The following FSD1L variants were observed in gnomAD, a reference collection of about 807,000 sequenced individuals.
FSD1L encodes fibronectin type III and SPRY domain containing 1 like.
In FSD1L, 45 loss-of-function variants were observed where a neutral mutation model predicts 71.6. The observed-to-expected ratio is 0.63, with a 90% CI of 0.49 to 0.81. The LOEUF is 0.81. Among genes scored for constraint, FSD1L ranks in the 30% least tolerant of loss-of-function variants. FSD1L has a pLI of 0.00. For missense variants in FSD1L, 561 were observed against 618.1 expected (o/e 0.91, Z 0.98); for synonymous variants, 197 against 207.2 (o/e 0.95, Z 0.42).
At chr9:105,465,211 A>G (rs1454909644) in intron 3 of FSD1L, among the ~76,000 whole-genome samples, 1 of 152,244 alleles carries the variant, frequency 6.6e-6, no homozygotes, top group Non-Finnish European at 1.5e-5. Flanking sequence ...TGAATCAGAA[A>G]GAAATAGAAA....
At chr9:105,491,269 T>C (rs1178381361) in intron 7 of FSD1L, among the ~76,000 whole-genome samples, 1 of 151,324 alleles carries the variant, frequency 6.6e-6, no homozygotes, top group Non-Finnish European at 1.5e-5. Context: ...TTTGAAGCAA[T>C]TGTGAATGGG....
intron 10 of FSD1L, among the ~76,000 whole-genome samples, chr9:105,514,612 T>C (rs752767799): frequency 2.0e-5 from 3 of 152,144 alleles, no homozygotes; most frequent in Non-Finnish European, 4.4e-5. Flanking sequence ...AGCTGCCAGA[T>C]GTTGAGGTGG....
At position 105,522,156 on chromosome 9, in the gene FSD1L, G is replaced by A. The variant is rs1349187914; in HGVS notation, c.1025+9220G>A. 18 of 1,613,840 alleles carry A rather than the reference G, an allele frequency of 1.1e-5. No homozygotes were observed. In the Admixed American group the frequency reaches 1.2e-4, roughly 10 times the overall value. On this transcript the variant is annotated intron_variant, in intron 10 of 13. Coordinates refer to ENST00000481272, the MANE Select transcript of FSD1L (RefSeq NM_001145313.3). ...TGCCTGGATCAAAGCAAACCTAAATGTGTACATCTCCCGAGAACTTTGGGA... is the reference window on the plus strand; with the variant it reads ...TGCCTGGATCAAAGCAAACCTAAATATGTACATCTCCCGAGAACTTTGGGA...
upstream of FSD1L, among the ~76,000 whole-genome samples, chr9:105,447,535 G>A (rs1019111656): frequency 6.6e-6 from 1 of 152,002 alleles, no homozygotes; most frequent in African/African-American, 2.4e-5. Flanking sequence ...GGGAAAAACT[G>A]TGCCAGGCCC....
At chr9:105,446,691 A>G (rs952682574), upstream of FSD1L, among the ~76,000 whole-genome samples, 18 of 150,112 alleles carry the variant, frequency 1.2e-4, no homozygotes, top group African/African-American at 2.5e-5. Flanking sequence ...TTTAGCACCT[A>G]TAACCGTCTA....
chr9:105,541,829 T>A (rs1262273104), intron 13 of FSD1L, among the ~76,000 whole-genome samples: 1 of 152,180 alleles, frequency 6.6e-6, no homozygotes, highest in East Asian at 1.9e-4. Context: ...CAGTAACCAG[T>A]TCGTAGGCCC....
At chr9:105,499,489 A>G (rs1833635857) in intron 7 of FSD1L, among the ~76,000 whole-genome samples, 1 of 151,116 alleles carries the variant, frequency 6.6e-6, no homozygotes, top group Non-Finnish European at 1.5e-5. Flanking sequence ...TGTCTGAGAG[A>G]GTTTTTATTT....
rs1829729852 is a variant in FSD1L, at chr9:105,448,082, G to A, written c.-139G>A. ...TGACTACGGCGCGCGCGGTCTGGGC[G>A]CGGACGGGTGGGGCCGGGCGGTGCC... On this transcript the variant is annotated 5_prime_UTR_variant, in exon 1 of 14. Coordinates refer to ENST00000481272, the MANE Select transcript of FSD1L (RefSeq NM_001145313.3). 7 of 970,862 alleles carry A rather than the reference G, an allele frequency of 7.2e-6. No homozygotes were observed. Among genetic ancestry groups the A allele is most frequent in the South Asian group, 1.4e-5 (1 of 70,836 alleles). 60.1% of individuals were successfully genotyped at this position (970,862 alleles called of 1,614,324 possible). A position where few individuals can be genotyped will look rare whatever the true frequency, so the allele number is the denominator to read the frequency against.
chr9:105,443,872 T>C (rs771530453), upstream of FSD1L, among the ~76,000 whole-genome samples: 19 of 152,182 alleles, frequency 1.2e-4, no homozygotes, highest in Non-Finnish European at 2.6e-4. Context: ...TAATATGAAT[T>C]ATATGATTTA....
chr9:105,455,801 AG>A (rs1405548863), intron 1 of FSD1L, among the ~76,000 whole-genome samples: 1 of 152,256 alleles, frequency 6.6e-6, no homozygotes, highest in Admixed American at 6.5e-5. Flanking sequence ...TTAGCAGCAC[AG>A]TGCCTGGCAC....
chr9:105,482,812 A>G (rs1477372434), intron 6 of FSD1L, among the ~76,000 whole-genome samples: 1 of 152,176 alleles, frequency 6.6e-6, no homozygotes, highest in African/African-American at 2.4e-5. Flanking sequence ...ATTGAATCAA[A>G]TCTTACAGGT....
At chr9:105,482,218 A>G (rs1243193701) in intron 6 of FSD1L, among the ~76,000 whole-genome samples, 1 of 152,334 alleles carries the variant, frequency 6.6e-6, no homozygotes, top group Admixed American at 6.5e-5. Flanking sequence ...ACACAGAGGA[A>G]CAGCAGGATT....
chr9:105,507,106 T>A (rs957224656), intron 8 of FSD1L, among the ~76,000 whole-genome samples: 3 of 152,244 alleles, frequency 2.0e-5, no homozygotes, highest in African/African-American at 7.2e-5. Context: ...AATTTTTACC[T>A]TGGTTTTCTG....
rs78667954 is a variant in FSD1L, at chr9:105,478,971, A to G, written c.442-383A>G. 7.8e-3 allele frequency among the ~76,000 whole-genome samples: 1,188 copies of G among 152,334 alleles called. 18 individuals carry two copies. Among genetic ancestry groups the G allele is most frequent in the African/African-American group, 0.027 (1,108 of 41,574 alleles). Reference sequence around the variant, plus strand: ...TTAGAGAGTAAATTTGACATGTACAAGAAAACCATGAAGGAAGTTGTCCCA... The same window carrying G: ...TTAGAGAGTAAATTTGACATGTACAGGAAAACCATGAAGGAAGTTGTCCCA... On this transcript the variant is annotated intron_variant, in intron 5 of 13. Transcript: ENST00000481272.
In FSD1L at chr9:105,512,834, C is replaced by T. The variant is rs1834473326; in HGVS notation, c.923C>T (p.Ser308Leu). 3.9e-6 allele frequency: 6 copies of T among 1,530,900 alleles called. No individual in the cohort carries two copies. The highest frequency in any genetic ancestry group is 1.2e-5 in the South Asian group (1 of 81,574). The allele number at this position is 1,530,900 out of a possible 1,614,324, so 94.8% of individuals were successfully genotyped here. A position where few individuals can be genotyped will look rare whatever the true frequency, so the allele number is the denominator to read the frequency against. Reference sequence around the variant, plus strand: ...CTTAACTTCAATTTGGATAACTCCTCATCCCATTTGAACCTGAAAGTTGAA... The same window carrying T: ...CTTAACTTCAATTTGGATAACTCCTTATCCCATTTGAACCTGAAAGTTGAA... ...KALNFNLDNS[S>L]SHLNLKVEDT... The change falls in exon 10 of 14, where the codon TCA becomes TTA. Residue 308 changes from serine to leucine, a missense_variant. Physicochemically the swap from Ser to Leu is moderately radical, Grantham distance 145. Transcript: ENST00000481272.
chr9:105,449,971 A>G (rs964344107), intron 1 of FSD1L, among the ~76,000 whole-genome samples: 6 of 152,242 alleles, frequency 3.9e-5, no homozygotes, highest in African/African-American at 1.4e-4. Context: ...TTGAGAATCA[A>G]CTTCTCAATA....
intron 10 of FSD1L, chr9:105,524,269 T>G: frequency 6.2e-7 from 1 of 1,612,580 alleles, no homozygotes. Flanking sequence ...GCTTGTAACA[T>G]GCTTCACATG....
chr9:105,494,523 GCTTTGCTC>G (rs1395072146), intron 7 of FSD1L, among the ~76,000 whole-genome samples: 1 of 152,196 alleles, frequency 6.6e-6, no homozygotes, highest in African/African-American at 2.4e-5. Context: ...TCTCCATTCA[GCTTTGCTC>G]CATTTCTGGT....
At position 105,471,713 on chromosome 9, in the gene FSD1L, AAT is replaced by A. The variant is rs199566135; in HGVS notation, c.340-189_340-188del. On this transcript the variant is annotated intron_variant, in intron 4 of 13. Transcript: ENST00000481272. ...AAATTTGTTATATATATATAAAAAA[AAT>A]AACACGTTTTATATATATATATATA... 7.1e-3 allele frequency among the ~76,000 whole-genome samples: 926 copies of A among 130,006 alleles called. 12 individuals carry two copies. Among genetic ancestry groups the A allele is most frequent in the African/African-American group, 0.028 (899 of 32,514 alleles). The allele number at this position is 130,006 out of a possible 152,430, so 85.3% of individuals were successfully genotyped here. A position where few individuals can be genotyped will look rare whatever the true frequency, so the allele number is the denominator to read the frequency against.
Sources: allele counts gnomAD v4.1 joint callset (sites outside exome capture counted in the v4.1 genomes callset), GRCh38; gene constraint gnomAD v4.1.1; transcripts MANE v1.5; gene names NCBI Gene and HGNC (gene_info 2026-07-23, HGNC 2026-07-21).